The following NUDT13 variants were observed in gnomAD, a reference collection of about 807,000 sequenced individuals.
NUDT13 encodes nudix hydrolase 13, also known as NAD(P)H pyrophosphatase NUDT13, mitochondrial.
A neutral mutation model predicts 41.7 loss-of-function variants in NUDT13; 40 were observed. The ratio of observed to expected loss-of-function variants is 0.96; its 90% confidence interval spans 0.75 to 1.25. The LOEUF is 1.25. Ranked by LOEUF, NUDT13 falls within the 50% of genes most tolerant of loss-of-function variation. The pLI, the probability that NUDT13 is intolerant of heterozygous loss-of-function variation, is 0.00. For missense variants in NUDT13, 390 were observed against 416.1 expected (o/e 0.94, Z 0.55); for synonymous variants, 145 against 155.5 (o/e 0.93, Z 0.50).
rs1415279838 is a variant in NUDT13, at chr10:73,125,526, A to T, written c.703+17A>T. ...GTGATATAGGTGAGGAGTTTAGGGG[A>T]TATACAGGTGACACTGGAAGATATA... is the stretch of plus-strand genomic sequence containing the variant. On this transcript the variant is annotated intron_variant, in intron 7 of 8. Transcript: ENST00000357321. 6.7e-7 allele frequency: 1 copy of T among 1,483,234 alleles called. No individual in the cohort carries two copies. Among genetic ancestry groups the T allele is most frequent in the Non-Finnish European group, 9.3e-7 (1 of 1,080,014 alleles). The allele number at this position is 1,483,234 out of a possible 1,614,324, so 91.9% of individuals were successfully genotyped here.
chr10:73,111,095 T>C (rs11000522), intron 1 of NUDT13, among the ~76,000 whole-genome samples: 1 of 151,652 alleles, frequency 6.6e-6, no homozygotes, highest in Admixed American at 6.6e-5. Flanking sequence ...TCCTGCCTCA[T>C]ACTCCCTAGT....
chr10:73,130,911 C>A lies in NUDT13; in HGVS notation c.*8C>A. On this transcript the variant is annotated 3_prime_UTR_variant, in exon 9 of 9. Coordinates refer to ENST00000357321, the MANE Select transcript of NUDT13 (RefSeq NM_015901.6). ...TCTTCCCTGCCTGCTTAGCCCGGAT[C>A]AAGTCACTTAGATCGCTCCTTGGTA... The A allele has an allele frequency of 6.2e-7, 1 of 1,610,484 alleles. No individual in the cohort carries two copies. Among genetic ancestry groups the A allele is most frequent in the South Asian group, 1.1e-5 (1 of 90,816 alleles).
At chr10:73,128,393 T>C (rs994197217) in intron 8 of NUDT13, among the ~76,000 whole-genome samples, 2 of 152,186 alleles carry the variant, frequency 1.3e-5, no homozygotes, top group East Asian at 3.9e-4. Flanking sequence ...TTGCTGTCCG[T>C]TGTACTTTTT....
intron 7 of NUDT13, chr10:73,126,133 T>G: frequency 3.6e-6 from 1 of 274,970 alleles, no homozygotes; most frequent in Non-Finnish European, 7.3e-6. Context: ...TCTCATCACA[T>G]TGACCCCAGA....
Position 73,130,958 on chromosome 10 carries a change from A to C in NUDT13, c.*55A>C. The C allele has an allele frequency of 6.9e-7, 1 of 1,452,310 alleles. No individual in the cohort carries two copies. The highest frequency in any genetic ancestry group is 1.1e-5 in the South Asian group (1 of 87,044). 90.0% of individuals were successfully genotyped at this position (1,452,310 alleles called of 1,614,324 possible). A position where few individuals can be genotyped will look rare whatever the true frequency, so the allele number is the denominator to read the frequency against. On this transcript the variant is annotated 3_prime_UTR_variant, in exon 9 of 9. Transcript: ENST00000357321. Reference sequence around the variant, plus strand: ...GGTATTCCTGAGGGACAAACTAGAGATCAGTTGACAAAGGAGAAGTGACAA... The same window carrying C: ...GGTATTCCTGAGGGACAAACTAGAGCTCAGTTGACAAAGGAGAAGTGACAA...
intron 2 of NUDT13, among the ~76,000 whole-genome samples, chr10:73,115,756 G>C (rs1380685470): frequency 6.6e-6 from 1 of 152,126 alleles, no homozygotes; most frequent in African/African-American, 2.4e-5. Flanking sequence ...AATATTTCAT[G>C]AAGTTTCCTA....
At chr10:73,124,128 A>AC in intron 4 of NUDT13, 86 bp from the exon 5 acceptor site, 1 of 906,170 alleles carries the variant, frequency 1.1e-6, no homozygotes, top group Non-Finnish European at 1.8e-6. Context: ...AGTTTGGGAA[A>AC]CACTATTTTA....
intron 8 of NUDT13, among the ~76,000 whole-genome samples, chr10:73,129,254 C>A (rs927058490): frequency 6.8e-6 from 1 of 146,718 alleles, no homozygotes; most frequent in African/African-American, 2.5e-5. Flanking sequence ...CTCACTGCAA[C>A]CTTCGCCTCC....
Position 73,130,705 on chromosome 10 carries a change from C to T in NUDT13, c.861C>T (p.Ile287=), listed in dbSNP as rs772860483. The change falls in exon 9 of 9, where the codon ATC becomes ATT. Residue 287 remains isoleucine, a splice_region_variant and synonymous_variant. Coordinates refer to ENST00000357321, the MANE Select transcript of NUDT13 (RefSeq NM_015901.6). The stretch of plus-strand genomic sequence containing the variant: ...CTTTTCTTCCTTATGTCTTTCAGAT[C>T]CAGGTGAACTTGAGAGAATTAGAGA... ...HATVKPGQTE[I]QVNLRELETA... is the part of the protein sequence containing the mutation. The T allele has an allele frequency of 4.3e-6, 7 of 1,612,868 alleles. No homozygotes were observed. Among genetic ancestry groups the T allele is most frequent in the South Asian group, 2.2e-5 (2 of 90,976 alleles).
chr10:73,120,305 G>T, intron 3 of NUDT13, 148 bp downstream of exon 3: 2 of 654,810 alleles, frequency 3.1e-6, no homozygotes, highest in South Asian at 3.0e-5. Context: ...AACTGCTTCT[G>T]CCAACTAATA....
intron 4 of NUDT13, among the ~76,000 whole-genome samples, chr10:73,123,190 A>C (rs1396445770): frequency 6.6e-6 from 1 of 152,170 alleles, no homozygotes; most frequent in East Asian, 1.9e-4. Context: ...ATGAGCCACC[A>C]AGCCCGGTCA....
At chr10:73,117,069 G>T (rs1408616423) in intron 2 of NUDT13, among the ~76,000 whole-genome samples, 1 of 149,708 alleles carries the variant, frequency 6.7e-6, no homozygotes, top group East Asian at 2.0e-4. Context: ...ATTTTTAGTT[G>T]ATATGGGGTT....
intron 2 of NUDT13, among the ~76,000 whole-genome samples, chr10:73,115,439 G>A (rs532419339): frequency 1.2e-4 from 18 of 147,086 alleles, no homozygotes; most frequent in Non-Finnish European, 2.7e-4. Flanking sequence ...CTCCCAAAGT[G>A]TTGGGATTAC....
At position 73,114,351 on chromosome 10, in the gene NUDT13, TTTA is replaced by T; in HGVS notation, c.-9-5_-9-3del. 6.8e-7 allele frequency: 1 copy of T among 1,464,112 alleles called. No homozygotes were observed. Among genetic ancestry groups the T allele is most frequent in the Non-Finnish European group, 9.3e-7 (1 of 1,078,042 alleles). 90.7% of individuals were successfully genotyped at this position (1,464,112 alleles called of 1,614,324 possible). A position where few individuals can be genotyped will look rare whatever the true frequency, so the allele number is the denominator to read the frequency against. Reference sequence around the variant, plus strand: ...TTTTTTAAAACTCCTTTTTTTTTTTTTTAAGGACCTGACAATGTCCCTGTATTG... The same window carrying T: ...TTTTTTAAAACTCCTTTTTTTTTTTTAGGACCTGACAATGTCCCTGTATTG... On this transcript the variant is annotated splice_polypyrimidine_tract_variant and splice_region_variant and intron_variant, in intron 1 of 8. Coordinates refer to ENST00000357321, the MANE Select transcript of NUDT13 (RefSeq NM_015901.6).
At chr10:73,115,391 T>C (rs1842483734) in intron 2 of NUDT13, among the ~76,000 whole-genome samples, 1 of 152,142 alleles carries the variant, frequency 6.6e-6, no homozygotes, top group Non-Finnish European at 1.5e-5. Context: ...TTGTCCATGC[T>C]GGTCTGAACT....
intron 8 of NUDT13, 140 bp from the exon 9 acceptor site, chr10:73,130,563 T>G (rs16930362): frequency 0.083 from 54,428 of 656,204 alleles, 3,819 homozygotes; most frequent in East Asian, 0.27. Context: ...TATCTAGAAC[T>G]GACTTTCACC....
chr10:73,117,339 C>G (rs1842537228), intron 2 of NUDT13, among the ~76,000 whole-genome samples: 1 of 151,238 alleles, frequency 6.6e-6, no homozygotes, highest in South Asian at 2.1e-4. Context: ...GGTGGATCAC[C>G]TGAGGTCAGG....
rs552785316 is a variant in NUDT13 at position 73,131,035 on chromosome 10, A to G, written c.*132A>G. The G allele has an allele frequency of 1.5e-5, 10 of 661,816 alleles. No homozygotes were observed. The South Asian group carries it at 1.8e-4, about 12-fold the overall frequency. The allele number at this position is 661,816 out of a possible 1,614,324, so 41.0% of individuals were successfully genotyped here. On this transcript the variant is annotated 3_prime_UTR_variant, in exon 9 of 9. Transcript: ENST00000357321. ...AGGGCAGAGCAAAGGGTGAGCCTAC[A>G]GTAAGACACTTCTATCAGCAGTGTT... is the stretch of plus-strand genomic sequence containing the variant.
At chr10:73,126,265 TAATC>T (rs1391195092) in intron 7 of NUDT13, 2 of 186,880 alleles carry the variant, frequency 1.1e-5, no homozygotes, top group Non-Finnish European at 2.3e-5. Context: ...ATCTATCCAT[TAATC>T]TATCTTATTT....
Sources: allele counts gnomAD v4.1 joint callset (sites outside exome capture counted in the v4.1 genomes callset), GRCh38; gene constraint gnomAD v4.1.1; transcripts MANE v1.5; gene names NCBI Gene and HGNC (gene_info 2026-07-23, HGNC 2026-07-21).